The following KHDRBS2 variants were observed in gnomAD, a reference collection of about 807,000 sequenced individuals.
The protein encoded by KHDRBS2 is KH RNA binding domain containing, signal transduction associated 2.
In KHDRBS2, 26 loss-of-function variants were observed where a neutral mutation model predicts 44.3. The observed-to-expected ratio is 0.59, with a 90% CI of 0.43 to 0.81. The LOEUF (loss-of-function observed/expected upper bound fraction) is 0.81. Ranked by LOEUF, KHDRBS2 falls within the 40% of genes least tolerant of loss-of-function variation. The pLI is 0.00. For missense variants in KHDRBS2, 476 were observed against 433.1 expected, an observed-to-expected ratio of 1.10 and a Z score of -0.88; for synonymous variants, 194 against 151.1, an observed-to-expected ratio of 1.28 and a Z score of -2.08.
intron 8 of KHDRBS2, among the ~76,000 whole-genome samples, chr6:61,693,231 T>C (rs1767559445): frequency 6.6e-6 from 1 of 152,172 alleles, no homozygotes; most frequent in Non-Finnish European, 1.5e-5. Flanking sequence ...TGTATTTACA[T>C]TTTATCATCT....
chr6:62,030,300 G>A (rs1416927963), intron 3 of KHDRBS2, among the ~76,000 whole-genome samples: 1 of 152,022 alleles, frequency 6.6e-6, no homozygotes, highest in Non-Finnish European at 1.5e-5. Flanking sequence ...TAAAGTATCA[G>A]CCCTAGAGGG....
the KHDRBS2 span, among the ~76,000 whole-genome samples, chr6:61,558,321 G>A: frequency 2.8e-4 from 42 of 152,166 alleles, no homozygotes; most frequent in African/African-American, 8.9e-4. Context: ...CAACACTTTG[G>A]GAAGCTGAGG....
intron 2 of KHDRBS2, among the ~76,000 whole-genome samples, chr6:62,153,047 C>T (rs1322539876): frequency 1.3e-5 from 2 of 152,176 alleles, no homozygotes; most frequent in Non-Finnish European, 2.9e-5. Flanking sequence ...AGGGGAAACC[C>T]TGGATTTTGA....
the KHDRBS2 span, among the ~76,000 whole-genome samples, chr6:61,564,932 A>G: frequency 2.6e-5 from 4 of 152,166 alleles, no homozygotes; most frequent in Non-Finnish European, 5.9e-5. Context: ...TGGTGCTGGC[A>G]TTAAAATAGA....
intron 4 of KHDRBS2, among the ~76,000 whole-genome samples, chr6:61,930,810 C>T (rs1329571128): frequency 6.6e-6 from 1 of 151,986 alleles, no homozygotes; most frequent in African/African-American, 2.4e-5. Context: ...TTTACCTAAG[C>T]AACTTAGTTC....
At chr6:62,185,626 T>C (rs1341092611) in intron 1 of KHDRBS2, among the ~76,000 whole-genome samples, 1 of 152,002 alleles carries the variant, frequency 6.6e-6, no homozygotes, top group African/African-American at 2.4e-5. Flanking sequence ...CATTAACTGC[T>C]AGACAATTTA....
intron 4 of KHDRBS2, among the ~76,000 whole-genome samples, chr6:61,955,041 T>C (rs531017639): frequency 4.1e-5 from 6 of 145,058 alleles, no homozygotes; most frequent in South Asian, 2.2e-4. Flanking sequence ...TACATACATG[T>C]ATGTATACAT....
chr6:61,995,989 G>T (rs1396021436), intron 3 of KHDRBS2, among the ~76,000 whole-genome samples: 2 of 152,086 alleles, frequency 1.3e-5, no homozygotes, highest in Non-Finnish European at 2.9e-5. Context: ...GCTAGCTTGA[G>T]AAACTTATAG....
In KHDRBS2 at chr6:61,680,430, A is replaced by G. The variant is rs978207665; in HGVS notation, c.*533T>C. The G allele has an allele frequency of 6.6e-6, 1 of 152,266 alleles. No homozygotes were observed. The highest frequency in any genetic ancestry group is 2.4e-5 in the African/African-American group (1 of 41,394). 9.4% of individuals were successfully genotyped at this position (152,266 alleles called of 1,614,324 possible). On this transcript the variant is annotated 3_prime_UTR_variant, in exon 9 of 9. Transcript: ENST00000281156. ...ACAGTAGCTGCTTGTTTTCAACCCC[A>G]TTAAAACAGCATTAAAATTAAATTT...
At chr6:61,736,107 C>T (rs530984513) in intron 6 of KHDRBS2, among the ~76,000 whole-genome samples, 2 of 133,134 alleles carry the variant, frequency 1.5e-5, no homozygotes, top group Admixed American at 1.5e-4. Flanking sequence ...TTCTTTCTTT[C>T]TTTTTTTTTT....
chr6:61,636,373 T>A, the KHDRBS2 span, among the ~76,000 whole-genome samples: 2 of 152,120 alleles, frequency 1.3e-5, no homozygotes, highest in African/African-American at 4.8e-5. Context: ...TCTCCCCATC[T>A]GGAGTTTAGC....
intron 6 of KHDRBS2, among the ~76,000 whole-genome samples, chr6:61,765,057 T>A (rs2127574015): frequency 6.6e-6 from 1 of 152,308 alleles, no homozygotes; most frequent in Non-Finnish European, 1.5e-5. Context: ...ATTACGAAAG[T>A]CACTTCTCAG....
intron 1 of KHDRBS2, among the ~76,000 whole-genome samples, chr6:62,213,516 G>A (rs1023420477): frequency 6.6e-6 from 1 of 152,072 alleles, no homozygotes; most frequent in African/African-American, 2.4e-5. Flanking sequence ...ATGTTGGAAG[G>A]GCTAACCTTG....
chr6:61,923,232 A>C (rs1196196644), intron 4 of KHDRBS2, among the ~76,000 whole-genome samples: 1 of 152,086 alleles, frequency 6.6e-6, no homozygotes, highest in East Asian at 1.9e-4. Context: ...AGAGATAAAT[A>C]AGAATTACTA....
intron 1 of KHDRBS2, among the ~76,000 whole-genome samples, chr6:62,275,907 T>C (rs1312132553): frequency 6.6e-6 from 1 of 152,180 alleles, no homozygotes; most frequent in Non-Finnish European, 1.5e-5. Context: ...TCTCAGAATA[T>C]AAAGACCTAA....
intron 4 of KHDRBS2, among the ~76,000 whole-genome samples, chr6:61,920,162 T>C (rs1315865947): frequency 6.6e-6 from 1 of 151,980 alleles, no homozygotes; most frequent in Admixed American, 6.6e-5. Flanking sequence ...AAATTATGTG[T>C]ATTAGATTCT....
chr6:61,554,052 T>C, the KHDRBS2 span, among the ~76,000 whole-genome samples: 2 of 152,120 alleles, frequency 1.3e-5, no homozygotes, highest in African/African-American at 2.4e-5. Flanking sequence ...TCTTGTATAT[T>C]TATGTTAGCT....
At chr6:61,693,758 T>C (rs1482138302) in intron 8 of KHDRBS2, among the ~76,000 whole-genome samples, 1 of 152,068 alleles carries the variant, frequency 6.6e-6, no homozygotes, top group Non-Finnish European at 1.5e-5. Context: ...TCTCCTAAAG[T>C]AAAATGCATT....
the KHDRBS2 span, among the ~76,000 whole-genome samples, chr6:61,548,290 C>T: frequency 4.9e-4 from 74 of 152,040 alleles, 1 homozygote; most frequent in Non-Finnish European, 5.9e-4. Context: ...TTTATGAGGG[C>T]TATATATATA....
Sources: allele counts gnomAD v4.1 joint callset (sites outside exome capture counted in the v4.1 genomes callset), GRCh38; gene constraint gnomAD v4.1.1; transcripts MANE v1.5; gene names NCBI Gene and HGNC (gene_info 2026-07-23, HGNC 2026-07-21).